Variants in AACS observed in about 807,000 individuals in gnomAD.
The protein encoded by AACS is acetoacetyl-CoA synthetase.
Under a neutral mutation model 83.1 loss-of-function variants are expected in AACS, and 69 were observed. The ratio of observed to expected loss-of-function variants is 0.83; its 90% CI spans 0.68 to 1.01. The LOEUF is 1.01. AACS is among the 50% of genes least tolerant of loss of function. The pLI is 0.00. For missense variants in AACS, 866 were observed against 882.2 expected, an observed-to-expected ratio of 0.98 and a Z score of 0.23; for synonymous variants, 333 against 343.4, an observed-to-expected ratio of 0.97 and a Z score of 0.33.
In AACS at chr12:125,077,378, C is replaced by T. The variant is rs547152574; in HGVS notation, c.358+767C>T. On this transcript the variant is annotated intron_variant, in intron 3 of 17. Coordinates refer to ENST00000316519, the MANE Select transcript of AACS (RefSeq NM_023928.5). ...ACAAAATATTAGCCAGGCGTGGTGGCGGGCGCCTGTAGTCCCAGCTACTCA... is the reference window on the plus strand; with the variant it reads ...ACAAAATATTAGCCAGGCGTGGTGGTGGGCGCCTGTAGTCCCAGCTACTCA... Among the ~76,000 whole-genome samples, 14 of 151,804 alleles carry T rather than the reference C, an allele frequency of 9.2e-5. No individual in the cohort carries two copies. The East Asian group carries it at 9.7e-4, about 11-fold the overall frequency.
intron 16 of AACS, chr12:125,136,137 C>T (rs1957397373): frequency 6.4e-6 from 1 of 156,300 alleles, no homozygotes; most frequent in East Asian, 1.9e-4. Context: ...GTAGCCTCGA[C>T]CTCCTGGGCT....
intron 12 of AACS, 38 bp from the exon 13 acceptor site, chr12:125,128,123 C>A: frequency 6.6e-7 from 1 of 1,510,062 alleles, no homozygotes; most frequent in South Asian, 1.2e-5. Flanking sequence ...TTGTCTTGGG[C>A]TTCTAAATTT....
intron 10 of AACS, among the ~76,000 whole-genome samples, chr12:125,119,591 CTTTATAAA>C (rs1957119272): frequency 6.6e-6 from 1 of 152,194 alleles, no homozygotes; most frequent in Non-Finnish European, 1.5e-5. Flanking sequence ...GAGAACTGTC[CTTTATAAA>C]ACCATCAGAT....
At chr12:125,112,855 G>A (rs1387939076) in intron 8 of AACS, among the ~76,000 whole-genome samples, 1 of 152,118 alleles carries the variant, frequency 6.6e-6, no homozygotes, top group Admixed American at 6.6e-5. Flanking sequence ...AAATGAAATG[G>A]GCTTCCCCTT....
chr12:125,118,286 C>T, intron 9 of AACS: 1 of 248,816 alleles, frequency 4.0e-6, no homozygotes, highest in Non-Finnish European at 7.9e-6. Flanking sequence ...GGGTCAGGTG[C>T]TGTTCAGAAC....
rs1238218459 is a variant in AACS at position 125,130,803 on chromosome 12, T to C, written c.1549+1343T>C. ...CTTTAGGGTAAGATTTTGCTTCTCT[T>C]TGAATAATCCTGTCATGAAGTCAGT... On this transcript the variant is annotated intron_variant, in intron 14 of 17. Transcript: ENST00000316519. This position sits in a 1 kb window ranked among gnomAD's most constrained non-coding sequence, Gnocchi z 4.9. Among the ~76,000 whole-genome samples, 1 of 152,210 alleles carries C rather than the reference T, an allele frequency of 6.6e-6. No individual in the cohort carries two copies. Among genetic ancestry groups the C allele is most frequent in the Admixed American group, 6.5e-5 (1 of 15,278 alleles).
Position 125,102,672 on chromosome 12 carries a change from C to CT in AACS, c.571-4dup. 1 of 1,613,392 alleles carries CT rather than the reference C, an allele frequency of 6.2e-7. No individual in the cohort carries two copies. The highest frequency in any genetic ancestry group is 8.5e-7 in the Non-Finnish European group (1 of 1,179,390). ...GATCAATGATGACTTTTTCCTCCTG[C>CT]TTTCAGGGTGTGCTGGACCGGTTTT... On this transcript the variant is annotated splice_region_variant and splice_polypyrimidine_tract_variant and intron_variant, in intron 5 of 17. Coordinates refer to ENST00000316519, the MANE Select transcript of AACS (RefSeq NM_023928.5).
intron 16 of AACS, among the ~76,000 whole-genome samples, chr12:125,135,234 A>G (rs750693835): frequency 2.0e-5 from 3 of 151,320 alleles, no homozygotes; most frequent in Non-Finnish European, 4.4e-5. Flanking sequence ...AGCTGGGATG[A>G]TAGACATGCA....
intron 9 of AACS, among the ~76,000 whole-genome samples, chr12:125,115,725 C>T (rs983779870): frequency 2.0e-5 from 3 of 151,894 alleles, no homozygotes; most frequent in Non-Finnish European, 4.4e-5. Flanking sequence ...AGTATCAGAC[C>T]CCCCACCCAT....
intron 4 of AACS, 82 bp from the exon 5 acceptor site, chr12:125,091,344 T>G: frequency 7.1e-7 from 1 of 1,410,136 alleles, no homozygotes. Context: ...ACTCTGACCT[T>G]GGCTCTCAGA....
At chr12:125,074,114 G>C (rs1955953315) in intron 2 of AACS, 135 bp downstream of exon 2, 1 of 712,806 alleles carries the variant, frequency 1.4e-6, no homozygotes, top group African/African-American at 1.8e-5. Flanking sequence ...TTGCCCTAGA[G>C]AACTGGCATT....
intron 5 of AACS, among the ~76,000 whole-genome samples, chr12:125,099,881 G>T (rs1565937618): frequency 1.3e-5 from 2 of 152,134 alleles, no homozygotes; most frequent in African/African-American, 4.8e-5. Flanking sequence ...TCTCAATTTT[G>T]GTTAGGCTGG....
At chr12:125,107,412 G>A in intron 8 of AACS, 144 bp downstream of exon 8, 1 of 1,165,118 alleles carries the variant, frequency 8.6e-7, no homozygotes, top group Non-Finnish European at 1.2e-6. Context: ...TCCAAGTGGG[G>A]TGCTGCACGG....
rs987628303 is a variant in AACS, at chr12:125,143,176, T to C, written c.*947T>C. The C allele has an allele frequency of 1.3e-5, 2 of 152,264 alleles. No homozygotes were observed. Among genetic ancestry groups the C allele is most frequent in the African/African-American group, 4.8e-5 (2 of 41,472 alleles). The allele number at this position is 152,264 out of a possible 1,614,324, so 9.4% of individuals were successfully genotyped here. On this transcript the variant is annotated 3_prime_UTR_variant, in exon 18 of 18. Transcript: ENST00000316519. ...TCAGCGTATGAACTTGTATCTCTAA[T>C]CTGATGTCCATTTTTATATTTTTTG...
intron 3 of AACS, among the ~76,000 whole-genome samples, chr12:125,084,510 C>T (rs182248992): frequency 5.4e-4 from 82 of 151,832 alleles, no homozygotes; most frequent in Non-Finnish European, 8.5e-4. Flanking sequence ...CTCAAGTGAT[C>T]GTCCCATCTC....
At chr12:125,087,323 G>A (rs1437384887) in intron 4 of AACS, among the ~76,000 whole-genome samples, 2 of 152,200 alleles carry the variant, frequency 1.3e-5, no homozygotes, top group African/African-American at 2.4e-5. Context: ...TAGCAACTGA[G>A]GATTTCCCAC....
chr12:125,118,617 G>C (rs759038721), intron 9 of AACS, 24 bp from the exon 10 acceptor site: 2 of 1,613,350 alleles, frequency 1.2e-6, no homozygotes, highest in South Asian at 1.1e-5. Context: ...GCCCGCTGAA[G>C]CCGCATCCCT....
Position 125,129,519 on chromosome 12 carries a change from G to A in AACS, c.1549+59G>A. The stretch of plus-strand genomic sequence containing the variant: ...CCTCTGCCTTGGCTGGGCCTTCTGT[G>A]TCTAATTCTGTACCATCGTGCCCCT... On this transcript the variant is annotated intron_variant, in intron 14 of 17. Transcript: ENST00000316519. This position sits in a 1 kb window ranked among gnomAD's most constrained non-coding sequence, Gnocchi z 4.3. 6.3e-7 allele frequency: 1 copy of A among 1,582,558 alleles called. No individual in the cohort carries two copies. The highest frequency in any genetic ancestry group is 8.6e-7 in the Non-Finnish European group (1 of 1,164,488).
chr12:125,123,753 C>T (rs1228490021), intron 10 of AACS: 2 of 152,360 alleles, frequency 1.3e-5, no homozygotes, highest in East Asian at 3.9e-4. Context: ...TCACAGCCTC[C>T]TCTAGGCCCC....
Sources: allele counts gnomAD v4.1 joint callset (sites outside exome capture counted in the v4.1 genomes callset), GRCh38; gene constraint gnomAD v4.1.1; non-coding constraint Gnocchi (gnomAD v3.1); transcripts MANE v1.5; gene names NCBI Gene and HGNC (gene_info 2026-07-23, HGNC 2026-07-21).